CDR2: variants seen among roughly 807,000 people sequenced by gnomAD.
The protein encoded by CDR2 is cerebellar degeneration related protein 2.
In CDR2, 34 loss-of-function variants were observed where a neutral mutation model predicts 48.4. The ratio of observed to expected loss-of-function variants is 0.70; its 90% CI spans 0.53 to 0.94. The LOEUF (loss-of-function observed/expected upper bound fraction) is 0.94, where lower values mean the gene tolerates loss of function less well. CDR2 is among the 40% of genes least tolerant of loss of function. The pLI is 0.00. For missense variants in CDR2, 498 were observed against 549.5 expected (o/e 0.91, Z 0.94); for synonymous variants, 240 against 219.7 (o/e 1.09, Z -0.82).
intron 2 of CDR2, among the ~76,000 whole-genome samples, chr16:22,357,883 A>G (rs906619470): frequency 6.6e-6 from 1 of 152,360 alleles, no homozygotes; most frequent in East Asian, 1.9e-4. Context: ...AGAACTTGTG[A>G]TATTTTGGTT....
In CDR2 at chr16:22,347,358, C is replaced by T; in HGVS notation, c.972G>A (p.Val324=). 6.2e-7 allele frequency: 1 copy of T among 1,614,264 alleles called. No individual in the cohort carries two copies. The highest frequency in any genetic ancestry group is 8.5e-7 in the Non-Finnish European group (1 of 1,180,046). ...ILSSLAGSDI[V]KGHEETCIRR... is the part of the protein sequence containing the mutation. Reference sequence around the variant, plus strand: ...TGATGCAGGTCTCCTCGTGGCCCTTCACGATGTCACTCCCTGCCAAGCTGC... The same window carrying T: ...TGATGCAGGTCTCCTCGTGGCCCTTTACGATGTCACTCCCTGCCAAGCTGC... The change falls in exon 5 of 5, where the codon GTG becomes GTA. Residue 324 remains valine (V), a synonymous_variant. Coordinates refer to ENST00000268383, the MANE Select transcript of CDR2 (RefSeq NM_001802.2).
chr16:22,363,728 T>C (rs543337853), intron 2 of CDR2, among the ~76,000 whole-genome samples: 68 of 152,270 alleles, frequency 4.5e-4, no homozygotes, highest in South Asian at 1.2e-3. Flanking sequence ...CAGACCCTTT[T>C]TGGGGGAAGC....
intron 2 of CDR2, among the ~76,000 whole-genome samples, chr16:22,357,259 G>C (rs2048981273): frequency 6.6e-6 from 1 of 152,062 alleles, no homozygotes; most frequent in South Asian, 2.1e-4. Flanking sequence ...ATGTTGGCCG[G>C]GCTGGTCTTG....
chr16:22,371,924 T>G (rs2049081148), intron 1 of CDR2, among the ~76,000 whole-genome samples: 1 of 151,330 alleles, frequency 6.6e-6, no homozygotes, highest in Admixed American at 6.6e-5. Context: ...CAGGCTGGAG[T>G]GCAATAGCAC....
At chr16:22,374,210 G>A (rs1032807281) in intron 1 of CDR2, 21 bp downstream of exon 1, 2 of 1,546,916 alleles carry the variant, frequency 1.3e-6, no homozygotes, top group South Asian at 1.1e-5. Context: ...CCGCCCGCCC[G>A]CGGGGCGCCC....
At chr16:22,358,451 C>T (rs1387440126) in intron 2 of CDR2, among the ~76,000 whole-genome samples, 1 of 152,140 alleles carries the variant, frequency 6.6e-6, no homozygotes, top group Non-Finnish European at 1.5e-5. Flanking sequence ...ACAAAAGCTA[C>T]AAACAGGCCA....
chr16:22,363,105 A>G (rs2049021108), intron 2 of CDR2, among the ~76,000 whole-genome samples: 1 of 151,844 alleles, frequency 6.6e-6, no homozygotes, highest in African/African-American at 2.4e-5. Flanking sequence ...GGTGCTTGCC[A>G]TATTTTTTGT....
At chr16:22,362,224 G>A (rs1478790365) in intron 2 of CDR2, among the ~76,000 whole-genome samples, 1 of 152,128 alleles carries the variant, frequency 6.6e-6, no homozygotes, top group Non-Finnish European at 1.5e-5. Context: ...ATTTAATCAT[G>A]AAGGTCTGAA....
intron 1 of CDR2, among the ~76,000 whole-genome samples, chr16:22,370,885 T>C (rs1325274116): frequency 6.6e-6 from 1 of 152,178 alleles, no homozygotes; most frequent in African/African-American, 2.4e-5. Flanking sequence ...GAAAACATTC[T>C]ATAGTTGTAA....
intron 2 of CDR2, among the ~76,000 whole-genome samples, chr16:22,364,391 T>C (rs1003787458): frequency 2.0e-5 from 3 of 152,102 alleles, no homozygotes; most frequent in African/African-American, 7.2e-5. Context: ...TTTTTTTTTT[T>C]CAAATTTAGG....
intron 2 of CDR2, among the ~76,000 whole-genome samples, chr16:22,355,348 T>C (rs569628457): frequency 3.3e-5 from 5 of 152,320 alleles, no homozygotes; most frequent in African/African-American, 1.2e-4. Context: ...CGATCCCCTA[T>C]CCGGGGGGAT....
At position 22,346,990 on chromosome 16, in the gene CDR2, T is replaced by A. The variant is rs1392365349; in HGVS notation, c.1340A>T (p.Tyr447Phe). 2.5e-6 allele frequency: 4 copies of A among 1,612,228 alleles called. No homozygotes were observed. In the Admixed American group the frequency reaches 5.0e-5, roughly 20 times the overall value. The stretch of plus-strand genomic sequence containing the variant: ...TTAAGAATGAGAGGAGAGTGATCGG[T>A]ATTTTGTTCTCTGTTCATCTATTTC... ...KQEIDEQRTK[Y>F]RSLSSHS The change falls in exon 5 of 5, where the codon TAC (tyrosine) becomes TTC (phenylalanine). Residue 447 changes from tyrosine to phenylalanine, a missense_variant. Tyr to Phe is a conservative substitution (Grantham distance 22, BLOSUM62 3). Transcript: ENST00000268383.
At chr16:22,359,349 ACTC>A (rs958706991) in intron 2 of CDR2, among the ~76,000 whole-genome samples, 1 of 150,210 alleles carries the variant, frequency 6.7e-6, no homozygotes, top group Non-Finnish European at 1.5e-5. Flanking sequence ...CTTATCTTGA[ACTC>A]CTGACCTCGT....
At chr16:22,374,180 G>A in intron 1 of CDR2, 51 bp downstream of exon 1, 1 of 1,200,310 alleles carries the variant, frequency 8.3e-7, no homozygotes, top group East Asian at 2.6e-5. Context: ...TTCGCAGCGG[G>A]GGCCTCCCGG....
intron 4 of CDR2, 124 bp downstream of exon 4, chr16:22,349,155 C>T (rs2141842596): frequency 3.0e-6 from 3 of 987,176 alleles, no homozygotes; most frequent in South Asian, 1.5e-5. Context: ...TTTGTTCAAA[C>T]CAATGGTAGC....
rs745588256 is a variant in CDR2, at chr16:22,347,093, C to T, written c.1237G>A (p.Val413Met). The T allele has an allele frequency of 1.4e-5, 23 of 1,614,074 alleles. No individual in the cohort carries two copies. Among genetic ancestry groups the T allele is most frequent in the Middle Eastern group, 1.6e-4 (1 of 6,084 alleles). ...TCTGGAGGTGTTGTAGGGGAACTCA[C>T]GGGCTCTGGGTTGACAGAGGCCAGT... is the stretch of plus-strand genomic sequence containing the variant. ...WELASVNPEP[V>M]SSPTTPPEYK... Residue 413 changes from valine (V) to methionine (M), a missense_variant, in exon 5 of 5, where the codon GTG becomes ATG. Physicochemically the swap from Val to Met is conservative, Grantham distance 21 (BLOSUM62 1). Transcript: ENST00000268383.
chr16:22,372,789 GTTAAT>G (rs953649050), intron 1 of CDR2, among the ~76,000 whole-genome samples: 1 of 152,178 alleles, frequency 6.6e-6, no homozygotes, highest in African/African-American at 2.4e-5. Context: ...GTGATTGCAT[GTTAAT>G]TTAAGAAATT....
At chr16:22,363,803 C>G (rs1453101139) in intron 2 of CDR2, among the ~76,000 whole-genome samples, 1 of 152,150 alleles carries the variant, frequency 6.6e-6, no homozygotes, top group East Asian at 1.9e-4. Context: ...ATTATCTTTA[C>G]AGTCAAGTGG....
In CDR2 at chr16:22,347,418, C is replaced by T. The variant is rs768672717; in HGVS notation, c.912G>A (p.Lys304=). 5.6e-6 allele frequency: 9 copies of T among 1,614,114 alleles called. No homozygotes were observed. The East Asian group carries it at 2.0e-4, about 36-fold the overall frequency. Residue 304 remains lysine (K), a synonymous_variant, in exon 5 of 5, where the codon AAG becomes AAA. Transcript: ENST00000268383. ...TCTCACTGCTGCTGCGCTTGAGAGG[C>T]TTTCTATGTGATTCCGGCACAGTCA... The part of the protein sequence containing the change: ...MFLTVPESHR[K]PLKRSSSETI...
Sources: gnomAD v4.1 joint callset for allele counts (sites outside exome capture counted in the v4.1 genomes callset) on GRCh38, gnomAD v4.1.1 for gene constraint, MANE v1.5 for transcripts, NCBI Gene and HGNC (gene_info 2026-07-23, HGNC 2026-07-21) for gene names.